Variants in TBXAS1 observed in about 807,000 individuals in gnomAD.
TBXAS1 encodes the protein thromboxane-A synthase.
TBXAS1 carries 48 observed loss-of-function variants against 60.7 expected under a neutral mutation model. That is an observed-to-expected ratio of 0.79 (90% CI 0.63 to 1.01). The LOEUF (loss-of-function observed/expected upper bound fraction) is 1.01. Among genes scored for constraint, TBXAS1 ranks in the 50% least tolerant of loss-of-function variants. The probability of loss-of-function intolerance (pLI) is 0.00; values close to 1 mark genes in which losing one functional copy is unlikely to be tolerated. For synonymous variants in TBXAS1, 287 were observed against 269.7 expected, an observed-to-expected ratio of 1.06 and a Z score of -0.63; for missense variants, 685 against 686.3, an observed-to-expected ratio of 1.00 and a Z score of 0.02.
At chr7:139,947,672 T>C (rs867847273) in intron 5 of TBXAS1, among the ~76,000 whole-genome samples, 4 of 152,236 alleles carry the variant, frequency 2.6e-5, no homozygotes, top group Admixed American at 1.3e-4. Context: ...TGATTTCCCC[T>C]GAATGGTTAC....
intron 1 of TBXAS1, among the ~76,000 whole-genome samples, chr7:139,849,091 G>A (rs1800020664): frequency 6.6e-6 from 1 of 152,222 alleles, no homozygotes; most frequent in African/African-American, 2.4e-5. Flanking sequence ...CAACAGGCCA[G>A]GCATGATGGC....
Position 139,968,211 on chromosome 7 carries a change from C to T in TBXAS1, c.1134+5978C>T, listed in dbSNP as rs8192839. Reference sequence around the variant, plus strand: ...CATCCCATCTCTCATCCCATACAGCCTTGACTGCATTCTCCTTTCAGGGTA... The same window carrying T: ...CATCCCATCTCTCATCCCATACAGCTTTGACTGCATTCTCCTTTCAGGGTA... On this transcript the variant is annotated intron_variant, in intron 9 of 12. Transcript: ENST00000448866. Among the ~76,000 whole-genome samples the T allele has an allele frequency of 1.7e-3, 253 of 152,376 alleles. 2 individuals carry two copies. Among genetic ancestry groups the T allele is most frequent in the East Asian group, 0.016 (82 of 5,186 alleles).
intron 5 of TBXAS1, chr7:139,952,672 C>G (rs1809508227): frequency 6.5e-7 from 1 of 1,533,778 alleles, no homozygotes; most frequent in Non-Finnish European, 8.7e-7. Context: ...CTCCATTATG[C>G]CACTCTACCT....
At chr7:139,780,017 C>G (rs1408685613) in intron 1 of TBXAS1, among the ~76,000 whole-genome samples, 3 of 152,198 alleles carry the variant, frequency 2.0e-5, no homozygotes, top group South Asian at 4.1e-4. Context: ...CCCGAGATAG[C>G]GTGGGAGTAA....
intron 8 of TBXAS1, 33 bp downstream of exon 8, chr7:139,957,797 T>C (rs368810644): frequency 1.7e-5 from 27 of 1,613,376 alleles, no homozygotes; most frequent in Non-Finnish European, 2.1e-5. Flanking sequence ...AGCCTTGAAA[T>C]GGAATGGAGC....
intron 4 of TBXAS1, among the ~76,000 whole-genome samples, chr7:139,932,784 C>T (rs1233321410): frequency 2.6e-5 from 4 of 152,178 alleles, no homozygotes; most frequent in Non-Finnish European, 4.4e-5. Flanking sequence ...AGGCCAGGCA[C>T]AGTGGCTCAT....
chr7:139,951,496 G>A (rs897243362), intron 5 of TBXAS1, among the ~76,000 whole-genome samples: 8 of 146,320 alleles, frequency 5.5e-5, no homozygotes, highest in South Asian at 2.2e-4. Flanking sequence ...AGTAGTTCAC[G>A]CCTGTAATCC....
intron 1 of TBXAS1, among the ~76,000 whole-genome samples, chr7:139,841,998 A>T (rs1270893497): frequency 6.6e-6 from 1 of 152,202 alleles, no homozygotes; most frequent in Non-Finnish European, 1.5e-5. Context: ...AGATGATTAA[A>T]CAGAGTAATA....
At chr7:139,898,413 C>CTGTTTTTTT (rs1804278955) in intron 3 of TBXAS1, among the ~76,000 whole-genome samples, 1 of 82,222 alleles carries the variant, frequency 1.2e-5, no homozygotes, top group African/African-American at 4.9e-5. Context: ...ACGTGCATGG[C>CTGTTTTTTT]TTTTTTTTTT....
chr7:139,931,721 C>T (rs1013741253), intron 4 of TBXAS1, among the ~76,000 whole-genome samples: 3 of 152,154 alleles, frequency 2.0e-5, no homozygotes, highest in African/African-American at 7.2e-5. Flanking sequence ...CACCAGGTCC[C>T]TCCCACCACA....
chr7:140,016,336 T>A lies in TBXAS1; in HGVS notation c.1364+476T>A, dbSNP rs535396415. On this transcript the variant is annotated intron_variant, in intron 11 of 12. Transcript: ENST00000448866. Reference sequence around the variant, plus strand: ...GAGCAAGACTCTGTCTAAAAAAAAATAAATAAATTAAATAAAAATAAATAA... The same window carrying A: ...GAGCAAGACTCTGTCTAAAAAAAAAAAAATAAATTAAATAAAAATAAATAA... 7.1e-4 allele frequency: 157 copies of A among 221,288 alleles called. 2 individuals carry two copies. The highest frequency in any genetic ancestry group is 6.9e-3 in the South Asian group (107 of 15,556). The allele number at this position is 221,288 out of a possible 1,614,324, so 13.7% of individuals were successfully genotyped here. A position where few individuals can be genotyped will look rare whatever the true frequency, so the allele number is the denominator to read the frequency against.
intron 3 of TBXAS1, among the ~76,000 whole-genome samples, chr7:139,890,083 C>G (rs1296820030): frequency 6.6e-6 from 1 of 151,978 alleles, no homozygotes; most frequent in East Asian, 1.9e-4. Flanking sequence ...TTTCCACTGA[C>G]AGTAATAATT....
chr7:139,973,555 CTTTT>C (rs8192843), intron 9 of TBXAS1, among the ~76,000 whole-genome samples: 1 of 137,506 alleles, frequency 7.3e-6, no homozygotes, highest in African/African-American at 2.7e-5. Flanking sequence ...GGTGAGCTTT[CTTTT>C]TTTTTTTTTT....
intron 3 of TBXAS1, among the ~76,000 whole-genome samples, chr7:139,894,889 A>G (rs1803957710): frequency 1.3e-5 from 2 of 152,220 alleles, no homozygotes; most frequent in African/African-American, 2.4e-5. Context: ...CATCCCCTCC[A>G]GAAAATGTAT....
intron 9 of TBXAS1, among the ~76,000 whole-genome samples, chr7:139,980,602 C>T (rs1811891922): frequency 6.6e-6 from 1 of 151,512 alleles, no homozygotes. Context: ...GGAGGAGTTT[C>T]CTATCATCTC....
chr7:139,832,647 G>T (rs370781578), intron 1 of TBXAS1, among the ~76,000 whole-genome samples: 1 of 152,204 alleles, frequency 6.6e-6, no homozygotes, highest in South Asian at 2.1e-4. Flanking sequence ...CTTTGCCTAG[G>T]CACATTGTCA....
At chr7:139,904,989 CTCTT>C (rs1272097952) in intron 3 of TBXAS1, among the ~76,000 whole-genome samples, 1 of 128,812 alleles carries the variant, frequency 7.8e-6, no homozygotes, top group African/African-American at 3.3e-5. Context: ...TTCTCTTTCT[CTCTT>C]TCTCTCTTTC....
At chr7:139,897,767 A>T (rs1482525242) in intron 3 of TBXAS1, among the ~76,000 whole-genome samples, 1 of 152,106 alleles carries the variant, frequency 6.6e-6, no homozygotes, top group Non-Finnish European at 1.5e-5. Flanking sequence ...AGGCATGAGT[A>T]CTCTGAGGGT....
At chr7:139,930,745 G>A (rs1218355475) in intron 4 of TBXAS1, among the ~76,000 whole-genome samples, 1 of 152,160 alleles carries the variant, frequency 6.6e-6, no homozygotes, top group Non-Finnish European at 1.5e-5. Context: ...CACCAGGATA[G>A]GGCTAGATTT....
Sources: gnomAD v4.1 joint callset for allele counts (sites outside exome capture counted in the v4.1 genomes callset) on GRCh38, gnomAD v4.1.1 for gene constraint, MANE v1.5 for transcripts, NCBI Gene and HGNC (gene_info 2026-07-23, HGNC 2026-07-21) for gene names.